The following PTPRN2 variants were observed in gnomAD, a reference collection of about 807,000 sequenced individuals.
PTPRN2 encodes receptor-type tyrosine-protein phosphatase N2.
In PTPRN2, 74 loss-of-function variants were observed where a neutral mutation model predicts 118.8. That is an observed-to-expected ratio of 0.62 (90% confidence interval 0.52 to 0.76). The LOEUF (loss-of-function observed/expected upper bound fraction) is 0.76. Ranked by LOEUF, PTPRN2 falls within the 30% of genes least tolerant of loss-of-function variation. PTPRN2 has a pLI of 0.00. For missense variants in PTPRN2, 1,481 were observed against 1,394.4 expected, an observed-to-expected ratio of 1.06 and a Z score of -0.99; for synonymous variants, 641 against 608.0, an observed-to-expected ratio of 1.05 and a Z score of -0.80.
At chr7:158,468,648 A>G (rs778584094) in intron 2 of PTPRN2, among the ~76,000 whole-genome samples, 55 of 152,350 alleles carry the variant, frequency 3.6e-4, no homozygotes, top group Non-Finnish European at 7.1e-4. Context: ...TGGCTTGAAT[A>G]GAGAGGGGTG....
rs945034703 is a variant in PTPRN2, at chr7:157,835,533, C to G, written c.1788+63140G>C. On this transcript the variant is annotated intron_variant, in intron 12 of 22. Transcript: ENST00000389418. ...AGACGTACGGCACAGGAAAGAGACTCGTCCTAAGGATGGGGGAGAGTTTGC... is the reference window on the plus strand; with the variant it reads ...AGACGTACGGCACAGGAAAGAGACTGGTCCTAAGGATGGGGGAGAGTTTGC... 5.3e-5 allele frequency among the ~76,000 whole-genome samples: 8 copies of G among 152,242 alleles called. No homozygotes were observed. In the South Asian group the frequency reaches 1.7e-3, roughly 32 times the overall value.
intron 1 of PTPRN2, 124 bp from the exon 2 acceptor site, chr7:158,489,909 C>T (rs905514623): frequency 3.3e-6 from 3 of 905,032 alleles, no homozygotes; most frequent in Non-Finnish European, 5.0e-6. Flanking sequence ...TCCTCCGACC[C>T]GGCTTTTCCG....
chr7:158,555,762 A>G lies in PTPRN2; in HGVS notation c.112+31796T>C, dbSNP rs73730435. Among the ~76,000 whole-genome samples, 7,524 of 152,260 alleles carry G rather than the reference A, an allele frequency of 0.049. 595 individuals carry two copies. Among genetic ancestry groups the G allele is most frequent in the African/African-American group, 0.17 (6,872 of 41,520 alleles). On this transcript the variant is annotated intron_variant, in intron 1 of 22. Coordinates refer to ENST00000389418, the MANE Select transcript of PTPRN2 (RefSeq NM_002847.5). This position sits in a 1 kb window ranked among gnomAD's most constrained non-coding sequence, Gnocchi z 4.7. The stretch of plus-strand genomic sequence containing the variant: ...TGTTGCTTCCCAGCGGGTTCCACCC[A>G]CTGCCTAGCAGGCCATCTACATGGG...
chr7:157,653,819 A>G (rs1476469676), intron 14 of PTPRN2, among the ~76,000 whole-genome samples: 66 of 126,490 alleles, frequency 5.2e-4, no homozygotes, highest in Middle Eastern at 4.9e-3. Flanking sequence ...CACCCACCCC[A>G]ACTGCACACG....
chr7:157,688,548 T>C (rs1447896605), intron 12 of PTPRN2, among the ~76,000 whole-genome samples: 1 of 152,144 alleles, frequency 6.6e-6, no homozygotes, highest in African/African-American at 2.4e-5. Flanking sequence ...TCCTGACCCC[T>C]ATTTTTGGCC....
At chr7:158,121,964 T>C (rs1321904909) in intron 9 of PTPRN2, among the ~76,000 whole-genome samples, 1 of 152,188 alleles carries the variant, frequency 6.6e-6, no homozygotes, top group Non-Finnish European at 1.5e-5. Context: ...CTATTTCATC[T>C]CTAAAGCCAC....
intron 2 of PTPRN2, among the ~76,000 whole-genome samples, chr7:158,458,468 C>T (rs990685655): frequency 2.0e-5 from 3 of 152,098 alleles, no homozygotes; most frequent in African/African-American, 7.2e-5. Context: ...CCTGACCACC[C>T]GGATCTTTTA....
At chr7:158,531,304 G>C (rs190342635) in intron 1 of PTPRN2, among the ~76,000 whole-genome samples, 18 of 152,302 alleles carry the variant, frequency 1.2e-4, no homozygotes, top group African/African-American at 3.8e-4. Context: ...GGGAAGGGAA[G>C]CCAAGGCTGT....
chr7:157,905,096 C>A (rs1358742306), intron 11 of PTPRN2, among the ~76,000 whole-genome samples: 1 of 152,206 alleles, frequency 6.6e-6, no homozygotes, highest in Non-Finnish European at 1.5e-5. Context: ...CACGTCTGCA[C>A]TGGGGAGCCC....
intron 2 of PTPRN2, among the ~76,000 whole-genome samples, chr7:158,332,711 T>A (rs1188887721): frequency 1.8e-4 from 25 of 137,434 alleles, no homozygotes; most frequent in Non-Finnish European, 3.7e-4. Context: ...CACCTGCAGA[T>A]GTCACTTACA....
chr7:157,787,809 C>T lies in PTPRN2; in HGVS notation c.1789-104872G>A, dbSNP rs116661267. Among the ~76,000 whole-genome samples the T allele has an allele frequency of 7.4e-3, 1,133 of 152,264 alleles. 13 individuals are homozygous for T. Among genetic ancestry groups the T allele is most frequent in the African/African-American group, 0.026 (1,069 of 41,542 alleles). ...GGCTGGGGGAGGCACCTGGGGGCCC[C>T]GTCCAAGCTGCCAAGGGCTGGGGTG... On this transcript the variant is annotated intron_variant, in intron 12 of 22. Transcript: ENST00000389418. The surrounding 1 kb of genome is among the most constrained non-coding windows in gnomAD (Gnocchi z 5.3).
chr7:157,551,803 ACGCACCC>A (rs2150469561), intron 21 of PTPRN2, among the ~76,000 whole-genome samples: 1 of 142,984 alleles, frequency 7.0e-6, no homozygotes, highest in Admixed American at 6.9e-5. Context: ...CACAGCCACC[ACGCACCC>A]CACAGCCAGC....
At chr7:158,468,658 GC>G (rs1819556364) in intron 2 of PTPRN2, among the ~76,000 whole-genome samples, 2 of 152,316 alleles carry the variant, frequency 1.3e-5, no homozygotes. Flanking sequence ...AGAGAGGGGT[GC>G]GCAGGGTGGT....
chr7:158,312,214 G>A (rs115955693), intron 3 of PTPRN2, among the ~76,000 whole-genome samples: 3 of 7,862 alleles, frequency 3.8e-4, no homozygotes, highest in Non-Finnish European at 1.0e-3. Context: ...GCACACACAC[G>A]TGCTCACAGA....
chr7:158,313,991 C>T (rs750683481), intron 3 of PTPRN2, among the ~76,000 whole-genome samples: 2 of 151,954 alleles, frequency 1.3e-5, no homozygotes, highest in African/African-American at 4.8e-5. Context: ...CATTTCATCC[C>T]AGGACGCCCA....
chr7:158,014,947 T>G (rs770963181), intron 11 of PTPRN2, among the ~76,000 whole-genome samples: 4 of 152,376 alleles, frequency 2.6e-5, no homozygotes, highest in Middle Eastern at 6.8e-3. Context: ...TTTTATCAAG[T>G]ATTTTTAGTG....
At chr7:158,071,460 G>T (rs1363067457) in intron 11 of PTPRN2, among the ~76,000 whole-genome samples, 14 of 133,302 alleles carry the variant, frequency 1.1e-4, no homozygotes, top group South Asian at 2.4e-4. Context: ...CGTGGTTGAG[G>T]TGCTCGTGGT....
intron 6 of PTPRN2, among the ~76,000 whole-genome samples, chr7:158,150,696 A>G (rs902608508): frequency 1.3e-5 from 2 of 152,028 alleles, no homozygotes; most frequent in Non-Finnish European, 2.9e-5. Flanking sequence ...TCTGTCATGC[A>G]GAGGGAAGAA....
rs149946821 is a variant in PTPRN2 at position 158,563,070 on chromosome 7, C to A, written c.112+24488G>T. ...GTTTCAGAGAAATCAACCACGGCCACAGCCTCGTCCACATAGAGCCTCTCG... is the reference window on the plus strand; with the variant it reads ...GTTTCAGAGAAATCAACCACGGCCAAAGCCTCGTCCACATAGAGCCTCTCG... On this transcript the variant is annotated intron_variant, in intron 1 of 22. Coordinates refer to ENST00000389418, the MANE Select transcript of PTPRN2 (RefSeq NM_002847.5). The surrounding 1 kb of genome is among the most constrained non-coding windows in gnomAD (Gnocchi z 5.1). Among the ~76,000 whole-genome samples the A allele has an allele frequency of 5.3e-3, 808 of 152,300 alleles. 3 individuals are homozygous for A. The highest frequency in any genetic ancestry group is 0.031 in the Middle Eastern group (9 of 294).
Sources: allele counts gnomAD v4.1 joint callset (sites outside exome capture counted in the v4.1 genomes callset), GRCh38; gene constraint gnomAD v4.1.1; non-coding constraint Gnocchi (gnomAD v3.1); transcripts MANE v1.5; gene names NCBI Gene and HGNC (gene_info 2026-07-23, HGNC 2026-07-21).